NDUFB6: variants seen among roughly 807,000 people sequenced by gnomAD.
NDUFB6 encodes NADH:ubiquinone oxidoreductase subunit B6.
In NDUFB6, 23 loss-of-function variants were observed where a neutral mutation model predicts 17.5. That is an observed-to-expected ratio of 1.31 (90% CI 0.94 to 1.86). The LOEUF is 1.86. Ranked by LOEUF, NDUFB6 falls within the 40% of genes most tolerant of loss-of-function variation. NDUFB6 has a pLI of 0.00. For synonymous variants in NDUFB6, 60 were observed against 53.5 expected, an observed-to-expected ratio of 1.12 and a Z score of -0.53; for missense variants, 167 against 153.8, an observed-to-expected ratio of 1.09 and a Z score of -0.46.
intron 1 of NDUFB6, among the ~76,000 whole-genome samples, chr9:32,572,344 A>T (rs1489727456): frequency 6.6e-6 from 1 of 152,216 alleles, no homozygotes; most frequent in Non-Finnish European, 1.5e-5. Flanking sequence ...TGTTAAAAGT[A>T]CAGAACGGTA....
At chr9:32,556,062 C>T (rs927063215) in intron 3 of NDUFB6, among the ~76,000 whole-genome samples, 8 of 147,684 alleles carry the variant, frequency 5.4e-5, no homozygotes, top group Non-Finnish European at 1.2e-4. Flanking sequence ...TACTATTTTA[C>T]ATCATCTGGA....
Position 32,563,491 on chromosome 9 carries a change from C to CTTTTTTTTTTTTTTTTTTTTT in NDUFB6, c.274-4538_274-4537insAAAAAAAAAAAAAAAAAAAAA, listed in dbSNP as rs111646430. ...CTCCTGAACAGGTGGGACTATTGGGCTTTTTTTTTTTTTGGAGGGATGGGG... is the reference window on the plus strand; with the variant it reads ...CTCCTGAACAGGTGGGACTATTGGGCTTTTTTTTTTTTTTTTTTTTTTTTTTTTTTTTTTGGAGGGATGGGG... On this transcript the variant is annotated intron_variant, in intron 2 of 3. Transcript: ENST00000379847. 1.7e-4 allele frequency among the ~76,000 whole-genome samples: 16 copies of CTTTTTTTTTTTTTTTTTTTTT among 91,988 alleles called. 3 individuals carry two copies. Among genetic ancestry groups the CTTTTTTTTTTTTTTTTTTTTT allele is most frequent in the African/African-American group, 5.8e-4 (13 of 22,582 alleles). 60.3% of individuals were successfully genotyped at this position (91,988 alleles called of 152,430 possible).
intron 3 of NDUFB6, among the ~76,000 whole-genome samples, chr9:32,555,660 G>A (rs989024978): frequency 2.0e-5 from 3 of 152,216 alleles, no homozygotes; most frequent in Admixed American, 1.3e-4. Context: ...CAGAATGTTT[G>A]AAATTAAAAC....
chr9:32,555,656 G>A (rs534699396), intron 3 of NDUFB6, among the ~76,000 whole-genome samples: 3 of 152,336 alleles, frequency 2.0e-5, no homozygotes, highest in Non-Finnish European at 4.4e-5. Flanking sequence ...CTGCCAGAAT[G>A]TTTGAAATTA....
rs371120242 is a variant in NDUFB6, at chr9:32,573,108, C to G, written c.-48G>C. On this transcript the variant is annotated 5_prime_UTR_variant, in exon 1 of 4. Transcript: ENST00000379847. ...AAGGACACGGCGCACCCTCGAACTA[C>G]GGACTAGTTACTTAAGCGCGCTCCC... is the stretch of plus-strand genomic sequence containing the variant. 8 of 1,472,008 alleles carry G rather than the reference C, an allele frequency of 5.4e-6. No individual in the cohort carries two copies. The East Asian group carries it at 1.8e-4, about 32-fold the overall frequency. 91.2% of individuals were successfully genotyped at this position (1,472,008 alleles called of 1,614,324 possible). A position where few individuals can be genotyped will look rare whatever the true frequency, so the allele number is the denominator to read the frequency against.
intron 3 of NDUFB6, among the ~76,000 whole-genome samples, chr9:32,556,846 CTTTTTTTTTTTT>C (rs10703297): frequency 1.2e-5 from 1 of 82,384 alleles, no homozygotes; most frequent in African/African-American, 4.6e-5. Flanking sequence ...AAATCCCCTA[CTTTTTTTTTTTT>C]TTTTTTTTTT....
intron 2 of NDUFB6, chr9:32,567,082 G>A: frequency 2.0e-6 from 1 of 488,370 alleles, no homozygotes; most frequent in Admixed American, 2.3e-5. Flanking sequence ...ACTTCCTCGG[G>A]CTGCACAGGG....
Position 32,553,204 on chromosome 9 carries a change from T to A in NDUFB6, c.*672A>T. On this transcript the variant is annotated 3_prime_UTR_variant, in exon 4 of 4. Coordinates refer to ENST00000379847, the MANE Select transcript of NDUFB6 (RefSeq NM_002493.5). ...TTCAAAAATGATTCGGAAAGCTTTT[T>A]TTTTTTTTGAGACGGAGTCTTGCTC... 1 of 273,936 alleles carries A rather than the reference T, an allele frequency of 3.7e-6. No individual in the cohort carries two copies. The highest frequency in any genetic ancestry group is 6.9e-6 in the Non-Finnish European group (1 of 145,244). The allele number at this position is 273,936 out of a possible 1,614,324, so 17.0% of individuals were successfully genotyped here. A position where few individuals can be genotyped will look rare whatever the true frequency, so the allele number is the denominator to read the frequency against.
intron 2 of NDUFB6, chr9:32,567,773 C>T (rs1821841391): frequency 3.4e-6 from 1 of 296,350 alleles, no homozygotes; most frequent in South Asian, 3.4e-5. Flanking sequence ...TGTGTTGTGA[C>T]TGTTCCACCA....
At position 32,553,194 on chromosome 9, in the gene NDUFB6, G is replaced by T. The variant is rs562489918; in HGVS notation, c.*682C>A. 1.0e-3 allele frequency: 307 copies of T among 301,442 alleles called. 3 individuals carry two copies. The highest frequency in any genetic ancestry group is 4.8e-3 in the African/African-American group (216 of 45,268). 18.7% of individuals were successfully genotyped at this position (301,442 alleles called of 1,614,324 possible). ...TTCTAAATTCTTCAAAAATGATTCG[G>T]AAAGCTTTTTTTTTTTTTGAGACGG... On this transcript the variant is annotated 3_prime_UTR_variant, in exon 4 of 4. Coordinates refer to ENST00000379847, the MANE Select transcript of NDUFB6 (RefSeq NM_002493.5).
rs759211143 is a variant in NDUFB6, at chr9:32,573,061, G to A, written c.-1C>T. ...TCTCATCCGGAGTGTACCCCGTCATGTCGCCGCTGGTACCAACGCAAAAGG... is the reference window on the plus strand; with the variant it reads ...TCTCATCCGGAGTGTACCCCGTCATATCGCCGCTGGTACCAACGCAAAAGG... On this transcript the variant is annotated 5_prime_UTR_variant, in exon 1 of 4. Coordinates refer to ENST00000379847, the MANE Select transcript of NDUFB6 (RefSeq NM_002493.5). 1.9e-6 allele frequency: 3 copies of A among 1,556,134 alleles called. No homozygotes were observed. The highest frequency in any genetic ancestry group is 8.7e-7 in the Non-Finnish European group (1 of 1,150,288).
rs375090847 is a variant in NDUFB6 at position 32,573,109 on chromosome 9, G to A, written c.-49C>T. 1.0e-5 allele frequency: 15 copies of A among 1,471,206 alleles called. No homozygotes were observed. Among genetic ancestry groups the A allele is most frequent in the African/African-American group, 1.0e-4 (7 of 69,898 alleles). 91.1% of individuals were successfully genotyped at this position (1,471,206 alleles called of 1,614,324 possible). ...AGGACACGGCGCACCCTCGAACTAC[G>A]GACTAGTTACTTAAGCGCGCTCCCG... On this transcript the variant is annotated 5_prime_UTR_variant, in exon 1 of 4. Transcript: ENST00000379847.
At chr9:32,557,017 A>C (rs1293354697) in intron 3 of NDUFB6, among the ~76,000 whole-genome samples, 1 of 150,094 alleles carries the variant, frequency 6.7e-6, no homozygotes, top group African/African-American at 2.5e-5. Context: ...ATGCCCAGCT[A>C]ATTTTTGTAT....
At chr9:32,561,325 ATTTTC>A (rs1276302813) in intron 2 of NDUFB6, among the ~76,000 whole-genome samples, 3 of 148,642 alleles carry the variant, frequency 2.0e-5, no homozygotes, top group Non-Finnish European at 3.0e-5. Flanking sequence ...AAAATTCACT[ATTTTC>A]TTTTTTTTTT....
Position 32,568,731 on chromosome 9 carries a change from C to CAT in NDUFB6, c.273+2227_273+2228dup, listed in dbSNP as rs774854110. The CAT allele has an allele frequency of 3.6e-3, 336 of 92,986 alleles. 2 individuals are homozygous for CAT. The highest frequency in any genetic ancestry group is 8.8e-3 in the East Asian group (35 of 3,986). 5.8% of individuals were successfully genotyped at this position (92,986 alleles called of 1,614,324 possible). On this transcript the variant is annotated intron_variant, in intron 2 of 3. Coordinates refer to ENST00000379847, the MANE Select transcript of NDUFB6 (RefSeq NM_002493.5). ...GTGTATGTATATGTGTGTGTGTGTG[C>CAT]ATATATATATATATATATTTTTTTT...
Position 32,566,646 on chromosome 9 carries a change from C to A in NDUFB6, c.273+4314G>T, listed in dbSNP as rs143847186. ...TGCACCCACCATGGAGGAGCAGGAG[C>A]TCACCTCTCTCAGGTAACTCCGGAT... is the stretch of plus-strand genomic sequence containing the variant. On this transcript the variant is annotated intron_variant, in intron 2 of 3. Transcript: ENST00000379847. 5,949 of 797,796 alleles carry A rather than the reference C, an allele frequency of 7.5e-3. 69 individuals carry two copies. The highest frequency in any genetic ancestry group is 6.4e-3 in the Non-Finnish European group (2,792 of 435,670). 49.4% of individuals were successfully genotyped at this position (797,796 alleles called of 1,614,324 possible).
intron 1 of NDUFB6, among the ~76,000 whole-genome samples, chr9:32,571,454 T>C (rs1485524337): frequency 1.3e-5 from 2 of 152,206 alleles, no homozygotes; most frequent in East Asian, 1.9e-4. Context: ...CCCTTATTTA[T>C]TGATCAATGA....
chr9:32,571,082 A>G (rs887713874), intron 1 of NDUFB6, 30 bp from the exon 2 acceptor site: 6 of 1,428,712 alleles, frequency 4.2e-6, no homozygotes, highest in Non-Finnish European at 5.8e-6. Context: ...CACAAAATAA[A>G]CATATCCCAT....
chr9:32,558,784 C>T, intron 3 of NDUFB6, 126 bp downstream of exon 3: 1 of 578,978 alleles, frequency 1.7e-6, no homozygotes, highest in African/African-American at 1.9e-5. Context: ...CAAGAATACA[C>T]AAAACAGGGA....
Sources: gnomAD v4.1 joint callset for allele counts (sites outside exome capture counted in the v4.1 genomes callset) on GRCh38, gnomAD v4.1.1 for gene constraint, MANE v1.5 for transcripts, NCBI Gene and HGNC (gene_info 2026-07-23, HGNC 2026-07-21) for gene names.